ARHGAP22: variants seen among roughly 807,000 people sequenced by gnomAD.
The protein encoded by ARHGAP22 is rho GTPase-activating protein 22.
Under a neutral mutation model 59.1 loss-of-function variants are expected in ARHGAP22, and 48 were observed. That is an observed-to-expected ratio of 0.81 (90% CI 0.64 to 1.03). The LOEUF is 1.03. Ranked by LOEUF, ARHGAP22 falls within the 50% of genes least tolerant of loss-of-function variation. ARHGAP22 has a pLI of 0.00. For missense variants in ARHGAP22, 1,015 were observed against 958.7 expected (o/e 1.06, Z -0.78); for synonymous variants, 445 against 416.4 (o/e 1.07, Z -0.84).
At chr10:48,548,408 GCCAACCCACTTGGTTCCCTTTGATAGCA>G (rs2056632459) in intron 3 of ARHGAP22, among the ~76,000 whole-genome samples, 1 of 152,190 alleles carries the variant, frequency 6.6e-6, no homozygotes, top group African/African-American at 2.4e-5. Flanking sequence ...CAAGCCTGCA[GCCAACCCACTTGGTTCCCTTTGATAGCA>G]CCAACCCACT....
At chr10:48,470,810 A>T (rs753077743) in intron 4 of ARHGAP22, among the ~76,000 whole-genome samples, 5 of 152,208 alleles carry the variant, frequency 3.3e-5, no homozygotes, top group Non-Finnish European at 7.4e-5. Flanking sequence ...AGGAACTAGA[A>T]ATAAGACTGT....
chr10:48,496,583 CTT>C (rs2050958735), intron 3 of ARHGAP22, among the ~76,000 whole-genome samples: 1 of 152,144 alleles, frequency 6.6e-6, no homozygotes, highest in African/African-American at 2.4e-5. Flanking sequence ...TGGCCGCTCT[CTT>C]CACCTTAGCT....
chr10:48,585,872 T>C (rs1021552301), intron 1 of ARHGAP22, among the ~76,000 whole-genome samples: 4 of 152,138 alleles, frequency 2.6e-5, no homozygotes, highest in Admixed American at 6.5e-5. Flanking sequence ...CTCAGGACAG[T>C]GGGTTTTTTC....
At chr10:48,641,664 A>G (rs56258845) in intron 1 of ARHGAP22, among the ~76,000 whole-genome samples, 6,710 of 152,268 alleles carry the variant, frequency 0.044, 437 homozygotes, top group African/African-American at 0.15. Context: ...AACTGGAAGC[A>G]TTCCCTTTGA....
At chr10:48,564,557 C>G (rs1050148587) in intron 2 of ARHGAP22, among the ~76,000 whole-genome samples, 1 of 152,168 alleles carries the variant, frequency 6.6e-6, no homozygotes, top group African/African-American at 2.4e-5. Context: ...ATTTAAACAA[C>G]GTTAAAGTTG....
At chr10:48,583,276 G>A in intron 1 of ARHGAP22, 124 bp from the exon 2 acceptor site, 1 of 1,146,156 alleles carries the variant, frequency 8.7e-7, no homozygotes, top group South Asian at 1.5e-5. Context: ...CAGGATGTGA[G>A]CAGCTGGGCC....
intron 2 of ARHGAP22, chr10:48,556,680 A>G (rs1045842854): frequency 5.3e-5 from 8 of 152,226 alleles, no homozygotes; most frequent in Admixed American, 3.3e-4. Context: ...TGGAGCATCA[A>G]ATGAATTAGT....
At chr10:48,534,923 C>T (rs906725490) in intron 3 of ARHGAP22, among the ~76,000 whole-genome samples, 1 of 152,184 alleles carries the variant, frequency 6.6e-6, no homozygotes, top group Non-Finnish European at 1.5e-5. Context: ...GCAGTCAGTC[C>T]TGCACACCTT....
chr10:48,586,054 T>C (rs75414017), intron 1 of ARHGAP22, among the ~76,000 whole-genome samples: 4,066 of 152,140 alleles, frequency 0.027, 172 homozygotes, highest in African/African-American at 0.092. Context: ...CTCTGTGGGG[T>C]TGGTCCCTGC....
intron 3 of ARHGAP22, chr10:48,493,413 G>C: frequency 1.3e-6 from 2 of 1,530,332 alleles, no homozygotes; most frequent in Non-Finnish European, 8.8e-7. Context: ...CTCACAGCCT[G>C]CCAGTGACTC....
At chr10:48,616,998 A>G (rs1183128437) in intron 1 of ARHGAP22, among the ~76,000 whole-genome samples, 1 of 152,134 alleles carries the variant, frequency 6.6e-6, no homozygotes, top group African/African-American at 2.4e-5. Flanking sequence ...TAAGACAACA[A>G]TTATAAATCT....
At chr10:48,609,495 G>A (rs2060798997), upstream of ARHGAP22, among the ~76,000 whole-genome samples, 1 of 152,148 alleles carries the variant, frequency 6.6e-6, no homozygotes, top group South Asian at 2.1e-4. Context: ...GGCTCTGAAT[G>A]ACTGCATGGA....
chr10:48,609,289 T>G (rs2060791203), upstream of ARHGAP22, among the ~76,000 whole-genome samples: 1 of 152,210 alleles, frequency 6.6e-6, no homozygotes, highest in Non-Finnish European at 1.5e-5. Flanking sequence ...GTTCTACATT[T>G]CCAGCATCCT....
intron 3 of ARHGAP22, among the ~76,000 whole-genome samples, chr10:48,523,014 C>A (rs1437829930): frequency 6.6e-6 from 1 of 152,214 alleles, no homozygotes; most frequent in African/African-American, 2.4e-5. Flanking sequence ...TGAAACCAGC[C>A]TGTACATTGA....
chr10:48,439,355 A>T, the ARHGAP22 span: 2 of 151,420 alleles, frequency 1.3e-5, no homozygotes, highest in African/African-American at 4.9e-5. Flanking sequence ...TATGAAAATT[A>T]TGAAATTAAG....
chr10:48,460,052 C>G (rs548571606), intron 4 of ARHGAP22, among the ~76,000 whole-genome samples, 161 bp from the exon 5 acceptor site: 2 of 152,158 alleles, frequency 1.3e-5, no homozygotes, highest in African/African-American at 2.4e-5. Context: ...GTGCCCTGGC[C>G]GCCCGGACAC....
rs1554865047 is a variant in ARHGAP22 at position 48,479,749 on chromosome 10, C to T, written c.338G>A (p.Arg113Gln). ...CTCGGGGTTGGCCGGCACCTTCTCC[C>T]GCTCCCCGGCACCACCTGCAAGACA... is the stretch of plus-strand genomic sequence containing the variant. ...FEISPGGAGE[R>Q]EKVPANPEAL... Residue 113 changes from arginine to glutamine, a missense_variant, in exon 4 of 10, where the codon CGG becomes CAG. Transcript: ENST00000249601. 8.8e-6 allele frequency: 14 copies of T among 1,592,040 alleles called. No individual in the cohort carries two copies. The highest frequency in any genetic ancestry group is 2.3e-5 in the South Asian group (2 of 88,066).
At chr10:48,593,155 C>T (rs2059868652) in intron 1 of ARHGAP22, among the ~76,000 whole-genome samples, 1 of 152,344 alleles carries the variant, frequency 6.6e-6, no homozygotes, top group South Asian at 2.1e-4. Context: ...TCTCTCAGCC[C>T]CTTCACTCTT....
rs528025426 is a variant in ARHGAP22, at chr10:48,453,491, C to T, written c.867-66G>A. 5.2e-5 allele frequency: 84 copies of T among 1,601,142 alleles called. No homozygotes were observed. The South Asian group carries it at 7.2e-4, about 14-fold the overall frequency. On this transcript the variant is annotated intron_variant, in intron 7 of 9. Transcript: ENST00000249601. ...GTGATGCCCAGTCTCCTGTGTGCGG[C>T]CTGGACGCACCGCCACACCCCTGCT...
Sources: allele counts gnomAD v4.1 joint callset (sites outside exome capture counted in the v4.1 genomes callset), GRCh38; gene constraint gnomAD v4.1.1; transcripts MANE v1.5; gene names NCBI Gene and HGNC (gene_info 2026-07-23, HGNC 2026-07-21).